Variants in VEPH1 observed in about 807,000 individuals in gnomAD.
VEPH1 encodes ventricular zone expressed PH domain containing 1, also known as ventricular zone-expressed PH domain-containing protein homolog 1.
Under a neutral mutation model 85.2 loss-of-function variants are expected in VEPH1, and 80 were observed. That is an observed-to-expected ratio of 0.94 (90% confidence interval 0.78 to 1.13). The LOEUF is 1.13. Ranked by LOEUF, VEPH1 falls within the 50% of genes most tolerant of loss-of-function variation. The pLI, the probability that VEPH1 is intolerant of heterozygous loss-of-function variation, is 0.00. For missense variants in VEPH1, 955 were observed against 980.5 expected, an observed-to-expected ratio of 0.97 and a Z score of 0.35; for synonymous variants, 297 against 348.0, an observed-to-expected ratio of 0.85 and a Z score of 1.63.
At chr3:157,478,927 T>C (rs1192554980) in intron 2 of VEPH1, among the ~76,000 whole-genome samples, 1 of 152,116 alleles carries the variant, frequency 6.6e-6, no homozygotes, top group Non-Finnish European at 1.5e-5. Context: ...TCAAATTCTG[T>C]ACATGGCATG....
At chr3:157,414,716 G>A (rs1731768633) in intron 5 of VEPH1, among the ~76,000 whole-genome samples, 1 of 151,986 alleles carries the variant, frequency 6.6e-6, no homozygotes, top group Non-Finnish European at 1.5e-5. Flanking sequence ...TGAGAAAATG[G>A]AATTCTTTTG....
intron 12 of VEPH1, among the ~76,000 whole-genome samples, chr3:157,277,083 G>T (rs925932351): frequency 6.6e-6 from 1 of 152,066 alleles, no homozygotes; most frequent in East Asian, 1.9e-4. Context: ...TAGATATGGG[G>T]TTATGCCATA....
chr3:157,387,431 A>G (rs953996420), intron 6 of VEPH1, among the ~76,000 whole-genome samples: 6 of 152,210 alleles, frequency 3.9e-5, no homozygotes, highest in Non-Finnish European at 8.8e-5. Flanking sequence ...ATATTGATGT[A>G]AAGAGGGATA....
chr3:157,329,852 AACTG>A (rs1355095718), intron 9 of VEPH1, among the ~76,000 whole-genome samples: 2 of 152,220 alleles, frequency 1.3e-5, no homozygotes, highest in Admixed American at 6.5e-5. Flanking sequence ...CCTCTGCCTC[AACTG>A]ACTATTTCCC....
chr3:157,442,222 G>A (rs1356621859), intron 4 of VEPH1: 1 of 749,310 alleles, frequency 1.3e-6, no homozygotes, highest in African/African-American at 1.8e-5. Context: ...GATTACAGTG[G>A]AAGCTTCTTA....
chr3:157,440,948 AT>A (rs558148785), intron 4 of VEPH1, among the ~76,000 whole-genome samples: 17 of 152,328 alleles, frequency 1.1e-4, no homozygotes, highest in African/African-American at 3.8e-4. Context: ...AATAGTAATT[AT>A]AAGCATGTGG....
In VEPH1 at chr3:157,381,189, C is replaced by A; in HGVS notation, c.1094G>T (p.Arg365Leu). Residue 365 changes from arginine to leucine, a missense_variant, in exon 7 of 14, where the codon CGA becomes CTA. Transcript: ENST00000362010. Reference protein sequence around the residue: ...SFTAIAKLLTRQLENTKAGSG... With the variant: ...SFTAIAKLLTLQLENTKAGSG... ...TCCAGCCTTGGTATTTTCCAGTTGT[C>A]GGGTAAGGAGTTTAGCAATGGCGGT... is the stretch of plus-strand genomic sequence containing the variant. 1.2e-6 allele frequency: 2 copies of A among 1,613,790 alleles called. No individual in the cohort carries two copies. The highest frequency in any genetic ancestry group is 2.7e-5 in the African/African-American group (2 of 74,972).
intron 2 of VEPH1, among the ~76,000 whole-genome samples, chr3:157,491,728 T>C (rs1021050127): frequency 1.3e-5 from 2 of 152,152 alleles, no homozygotes; most frequent in African/African-American, 4.8e-5. Context: ...TATTCTGGAA[T>C]GAGGGCTTAA....
At chr3:157,403,291 G>A (rs1175434891) in intron 6 of VEPH1, among the ~76,000 whole-genome samples, 2 of 152,004 alleles carry the variant, frequency 1.3e-5, no homozygotes, top group African/African-American at 2.4e-5. Flanking sequence ...TTAAGCAATA[G>A]AAAAGACTTG....
intron 6 of VEPH1, among the ~76,000 whole-genome samples, chr3:157,412,300 A>C (rs1264865997): frequency 6.6e-6 from 1 of 152,174 alleles, no homozygotes; most frequent in African/African-American, 2.4e-5. Flanking sequence ...ACAGTTACTT[A>C]ATTGCATATG....
At chr3:157,438,749 T>A (rs900091846) in intron 4 of VEPH1, among the ~76,000 whole-genome samples, 2 of 152,162 alleles carry the variant, frequency 1.3e-5, no homozygotes, top group Non-Finnish European at 2.9e-5. Context: ...CCCAAAATAA[T>A]ACATTCTAAA....
intron 11 of VEPH1, among the ~76,000 whole-genome samples, chr3:157,292,136 G>T (rs1717549983): frequency 6.6e-6 from 1 of 152,102 alleles, no homozygotes; most frequent in Non-Finnish European, 1.5e-5. Context: ...TCGCTATGTT[G>T]CCCAGGCTAG....
chr3:157,300,647 G>T (rs1365891616), intron 11 of VEPH1, among the ~76,000 whole-genome samples: 6 of 152,050 alleles, frequency 3.9e-5, no homozygotes, highest in Non-Finnish European at 7.4e-5. Context: ...GAGATAAGAG[G>T]ATTAAAAAGA....
rs1455326254 is a variant in VEPH1, at chr3:157,261,221, C to A, written c.2415G>T (p.Lys805Asn). The change falls in exon 14 of 14, where the codon AAG becomes AAT. Residue 805 changes from lysine to asparagine, a missense_variant. Coordinates refer to ENST00000362010, the MANE Select transcript of VEPH1 (RefSeq NM_001167912.2). ...TGCACTGGAGCCATTCTTCTGCATT[C>A]TTCTCATCCTTGGCCTTAAAGACAT... ...KTYVFKAKDE[K>N]NAEEWLQCIN... 2.5e-6 allele frequency: 4 copies of A among 1,613,854 alleles called. No homozygotes were observed. Among genetic ancestry groups the A allele is most frequent in the Non-Finnish European group, 3.4e-6 (4 of 1,179,806 alleles).
At chr3:157,327,156 A>C (rs1025563677) in intron 9 of VEPH1, among the ~76,000 whole-genome samples, 3 of 152,078 alleles carry the variant, frequency 2.0e-5, no homozygotes, top group Non-Finnish European at 4.4e-5. Flanking sequence ...AAAAAAAACC[A>C]TTATCCTTCA....
chr3:157,453,601 T>C (rs1227837406), intron 4 of VEPH1, among the ~76,000 whole-genome samples: 1 of 152,068 alleles, frequency 6.6e-6, no homozygotes, highest in Non-Finnish European at 1.5e-5. Context: ...AAAATAAGGA[T>C]TAGTGTACTG....
chr3:157,426,034 C>T (rs1320837225), intron 5 of VEPH1, among the ~76,000 whole-genome samples: 2 of 152,162 alleles, frequency 1.3e-5, no homozygotes, highest in Non-Finnish European at 2.9e-5. Flanking sequence ...CTCATTTTCT[C>T]TTCCTGCCAC....
At chr3:157,266,722 C>T (rs959424667) in intron 12 of VEPH1, among the ~76,000 whole-genome samples, 3 of 152,146 alleles carry the variant, frequency 2.0e-5, no homozygotes, top group South Asian at 4.1e-4. Flanking sequence ...AGAGTTTAGA[C>T]GCTGAACTGA....
intron 11 of VEPH1, among the ~76,000 whole-genome samples, chr3:157,293,145 T>C (rs1717729624): frequency 6.6e-6 from 1 of 152,090 alleles, no homozygotes; most frequent in Non-Finnish European, 1.5e-5. Context: ...TTGAACTCAT[T>C]GGGCCCAATT....
Sources: allele counts gnomAD v4.1 joint callset (sites outside exome capture counted in the v4.1 genomes callset), GRCh38; gene constraint gnomAD v4.1.1; transcripts MANE v1.5; gene names NCBI Gene and HGNC (gene_info 2026-07-23, HGNC 2026-07-21).